ZNF284: variants seen among roughly 807,000 people sequenced by gnomAD.
ZNF284 encodes the protein zinc finger protein 284.
In ZNF284, 12 loss-of-function variants were observed where a neutral mutation model predicts 12.9. The observed-to-expected ratio is 0.93, with a 90% confidence interval of 0.60 to 1.51. The LOEUF is 1.51. Among genes scored for constraint, ZNF284 ranks in the 40% most tolerant of loss-of-function variants. The probability of loss-of-function intolerance (pLI) is 0.00; values close to 1 mark genes in which losing one functional copy is unlikely to be tolerated. For missense variants in ZNF284, 667 were observed against 707.3 expected, an observed-to-expected ratio of 0.94 and a Z score of 0.65; for synonymous variants, 225 against 236.5, an observed-to-expected ratio of 0.95 and a Z score of 0.45.
intron 2 of ZNF284, among the ~76,000 whole-genome samples, chr19:44,076,872 T>C (rs1418979575): frequency 6.7e-6 from 1 of 149,858 alleles, no homozygotes; most frequent in Non-Finnish European, 1.5e-5. Flanking sequence ...CAGACTGGAG[T>C]GTGGTGGCGC....
chr19:44,072,312 C>A (rs533335667), intron 1 of ZNF284, 21 bp downstream of exon 1: 1 of 152,216 alleles, frequency 6.6e-6, no homozygotes, highest in Admixed American at 6.5e-5. Flanking sequence ...ACAACGGCCT[C>A]TCTTTTCGTT....
At position 44,082,137 on chromosome 19, in the gene ZNF284, G is replaced by A. The variant is rs368672902; in HGVS notation, c.235+32G>A. 4.2e-5 allele frequency: 66 copies of A among 1,553,688 alleles called. No individual in the cohort carries two copies. In the Middle Eastern group the frequency reaches 8.4e-4, roughly 20 times the overall value. ...ACCAAGCAACGATGCATCCTTGTAC[G>A]TGACCCTTCCATCTGTTTTACTTCT... On this transcript the variant is annotated intron_variant, in intron 4 of 4. Transcript: ENST00000421176.
chr19:44,087,345 A>C lies in ZNF284; in HGVS notation c.*85A>C. The C allele has an allele frequency of 1.0e-6, 1 of 1,000,492 alleles. No homozygotes were observed. Among genetic ancestry groups the C allele is most frequent in the Non-Finnish European group, 1.4e-6 (1 of 716,584 alleles). The allele number at this position is 1,000,492 out of a possible 1,614,324, so 62.0% of individuals were successfully genotyped here. ...TCAAATCAGTGTTATTAGCATATCC[A>C]TCACCTCCTTTATCATTTATTTGTG... On this transcript the variant is annotated 3_prime_UTR_variant, in exon 5 of 5. Transcript: ENST00000421176.
Position 44,086,423 on chromosome 19 carries a change from T to C in ZNF284, c.945T>C (p.Phe315=). 1 of 1,614,026 alleles carries C rather than the reference T, an allele frequency of 6.2e-7. No individual in the cohort carries two copies. Among genetic ancestry groups the C allele is most frequent in the South Asian group, 1.1e-5 (1 of 91,086 alleles). ...TGGTCCACATGCAAGAGAAATCATT[T>C]AGATGTGATACCTGTAGTAATAGCT... The part of the protein sequence containing the change: ...HSMVHMQEKS[F]RCDTCSNSFG... Residue 315 remains phenylalanine (F), a synonymous_variant, in exon 5 of 5, where the codon TTT becomes TTC. Coordinates refer to ENST00000421176, the MANE Select transcript of ZNF284 (RefSeq NM_001037813.4).
intron 4 of ZNF284, among the ~76,000 whole-genome samples, chr19:44,083,488 G>T (rs1315938635): frequency 0.34 from 24,470 of 72,862 alleles, 6,627 homozygotes; most frequent in Non-Finnish European, 0.53. Flanking sequence ...GAGAGAGAGA[G>T]AGAGAGAGAG....
intron 2 of ZNF284, among the ~76,000 whole-genome samples, chr19:44,080,369 G>A (rs1349738364): frequency 2.6e-5 from 4 of 152,200 alleles, no homozygotes; most frequent in South Asian, 4.1e-4. Flanking sequence ...GGCCGAGGCC[G>A]GCAAATCGCC....
rs1271540789 is a variant in ZNF284, at chr19:44,086,024, G to A, written c.546G>A (p.Lys182=). The change falls in exon 5 of 5, where the codon AAG becomes AAA. Residue 182 remains lysine, a synonymous_variant. Transcript: ENST00000421176. The part of the protein sequence containing the change: ...KISHTCNEYR[K]RFCYSSALCL... ...CCCATACATGTAATGAGTACAGGAA[G>A]AGATTCTGTTATAGCTCAGCTCTTT... 1.9e-5 allele frequency: 31 copies of A among 1,614,034 alleles called. No individual in the cohort carries two copies. The highest frequency in any genetic ancestry group is 2.5e-5 in the Non-Finnish European group (30 of 1,180,034).
intron 1 of ZNF284, among the ~76,000 whole-genome samples, chr19:44,074,225 T>A (rs1257504551): frequency 6.6e-6 from 1 of 152,034 alleles, no homozygotes; most frequent in African/African-American, 2.4e-5. Flanking sequence ...TGGTGACGCA[T>A]GCCTGTAATC....
At chr19:44,083,878 T>C (rs1967178821) in intron 4 of ZNF284, among the ~76,000 whole-genome samples, 1 of 152,020 alleles carries the variant, frequency 6.6e-6, no homozygotes. Flanking sequence ...GCGGTGATGG[T>C]GGCAGCAGGC....
At chr19:44,080,929 A>G in intron 2 of ZNF284, 86 bp from the exon 3 acceptor site, 3 of 1,495,136 alleles carry the variant, frequency 2.0e-6, no homozygotes, top group South Asian at 2.5e-5. Flanking sequence ...GCAACTTCTC[A>G]CCCATCCCCT....
At position 44,086,127 on chromosome 19, in the gene ZNF284, C is replaced by T; in HGVS notation, c.649C>T (p.Gln217Ter). The change falls in exon 5 of 5, where the codon CAA (glutamine) becomes TAA (stop). Residue 217 changes from glutamine (Q) to a stop codon, truncating the protein, a stop_gained. Transcript: ENST00000421176. LOFTEE classifies it low-confidence loss of function (END_TRUNC). ...VCSKAFSQNS[Q>*]LQTHQRIHTG... ...TAGTAAGGCATTTAGTCAGAACTCA[C>T]AACTGCAAACTCATCAGAGAATCCA... is the stretch of plus-strand genomic sequence containing the variant. The T allele has an allele frequency of 6.2e-7, 1 of 1,614,200 alleles. No homozygotes were observed.
At chr19:44,073,397 G>T (rs1342412485) in intron 1 of ZNF284, among the ~76,000 whole-genome samples, 1 of 152,176 alleles carries the variant, frequency 6.6e-6, no homozygotes, top group East Asian at 1.9e-4. Context: ...TCATTCATTA[G>T]AACTATTTCA....
rs1228792686 is a variant in ZNF284, at chr19:44,089,245, A to G, written c.*1985A>G. On this transcript the variant is annotated 3_prime_UTR_variant, in exon 5 of 5. Transcript: ENST00000421176. ...GGGCCTAAGTGATCCTCTTGCTTCA[A>G]TCCCCTGAGAAGCTGGGACTACAGG... 2.0e-5 allele frequency: 3 copies of G among 151,836 alleles called. No homozygotes were observed. The highest frequency in any genetic ancestry group is 7.3e-5 in the African/African-American group (3 of 41,244). 9.4% of individuals were successfully genotyped at this position (151,836 alleles called of 1,614,324 possible). A position where few individuals can be genotyped will look rare whatever the true frequency, so the allele number is the denominator to read the frequency against.
chr19:44,073,075 T>C (rs959508691), intron 1 of ZNF284, among the ~76,000 whole-genome samples: 2 of 152,262 alleles, frequency 1.3e-5, no homozygotes, highest in African/African-American at 4.8e-5. Flanking sequence ...AAGAGCTTTA[T>C]ACAAGTAGTC....
At chr19:44,074,215 T>C (rs1966993963) in intron 1 of ZNF284, among the ~76,000 whole-genome samples, 1 of 151,914 alleles carries the variant, frequency 6.6e-6, no homozygotes, top group Admixed American at 6.6e-5. Flanking sequence ...TAGCCAGACA[T>C]GGTGACGCAT....
rs753418181 is a variant in ZNF284 at position 44,085,837 on chromosome 19, GCT to G, written c.363_364del (p.Gln122ValfsTer6). 21 of 1,567,136 alleles carry G rather than the reference GCT, an allele frequency of 1.3e-5. No homozygotes were observed. The highest frequency in any genetic ancestry group is 1.8e-5 in the Non-Finnish European group (21 of 1,150,502). On this transcript the variant is annotated frameshift_variant, in exon 5 of 5. Coordinates refer to ENST00000421176, the MANE Select transcript of ZNF284 (RefSeq NM_001037813.4). LOFTEE classifies it low-confidence loss of function (END_TRUNC). Reference sequence around the variant, plus strand: ...ACTAGACCTCAAGACTCCATAAGTAGCTCTCAGTTCTCCACACAAGGTGATGT... The same window carrying G: ...ACTAGACCTCAAGACTCCATAAGTAGCTCAGTTCTCCACACAAGGTGATGT...
chr19:44,075,214 G>A (rs779936613), intron 1 of ZNF284, among the ~76,000 whole-genome samples: 8 of 152,020 alleles, frequency 5.3e-5, no homozygotes, highest in Non-Finnish European at 1.2e-4. Flanking sequence ...CTTTTTACCT[G>A]TAACCCCATT....
chr19:44,083,993 G>T (rs1967181201), intron 4 of ZNF284, among the ~76,000 whole-genome samples: 1 of 152,158 alleles, frequency 6.6e-6, no homozygotes. Context: ...TTGGGCACCT[G>T]CGGCAGGGTT....
chr19:44,076,118 G>T (rs1967021437), intron 1 of ZNF284, among the ~76,000 whole-genome samples: 1 of 152,044 alleles, frequency 6.6e-6, no homozygotes, highest in African/African-American at 2.4e-5. Context: ...TTCCAAGTAA[G>T]ATTTCATTGT....
Sources: gnomAD v4.1 joint callset for allele counts (sites outside exome capture counted in the v4.1 genomes callset) on GRCh38, gnomAD v4.1.1 for gene constraint, MANE v1.5 for transcripts, NCBI Gene and HGNC (gene_info 2026-07-23, HGNC 2026-07-21) for gene names.